The following NCOA2 variants were observed in gnomAD, a reference collection of about 807,000 sequenced individuals.
NCOA2 encodes nuclear receptor coactivator 2, also known as class E basic helix-loop-helix protein 75.
A neutral mutation model predicts 145.1 loss-of-function variants in NCOA2; 21 were observed. That is an observed-to-expected ratio of 0.14 (90% CI 0.10 to 0.21). NCOA2 has a LOEUF of 0.21. NCOA2 is among the 10% of genes least tolerant of loss of function. The pLI, the probability that NCOA2 is intolerant of heterozygous loss-of-function variation, is 1.00. For missense variants in NCOA2, 1,472 were observed against 1,837.6 expected (o/e 0.80, Z 3.64); for synonymous variants, 619 against 637.5 (o/e 0.97, Z 0.44).
At chr8:70,118,334 C>A (rs1262120864) in intron 22 of NCOA2, among the ~76,000 whole-genome samples, 1 of 152,142 alleles carries the variant, frequency 6.6e-6, no homozygotes, top group Non-Finnish European at 1.5e-5. Context: ...AAGTGCATTC[C>A]TGATTTCAAC....
chr8:70,425,321 C>A, the NCOA2 span, among the ~76,000 whole-genome samples: 1 of 151,972 alleles, frequency 6.6e-6, no homozygotes, highest in Non-Finnish European at 1.5e-5. Context: ...TTTTGGGGTA[C>A]AGGTGGTTTT....
chr8:70,297,192 C>A (rs1586407831), intron 1 of NCOA2, among the ~76,000 whole-genome samples: 1 of 152,110 alleles, frequency 6.6e-6, no homozygotes. Context: ...CTGTGCCCAG[C>A]ACATTGTAAC....
the NCOA2 span, among the ~76,000 whole-genome samples, chr8:70,444,195 CA>C: frequency 1.3e-5 from 2 of 152,124 alleles, no homozygotes; most frequent in African/African-American, 2.4e-5. Flanking sequence ...TTAATAGAGT[CA>C]AACTATTGAT....
Position 70,110,568 on chromosome 8 carries a change from C to T in NCOA2, c.*3064G>A, listed in dbSNP as rs1358893842. 1 of 206,876 alleles carries T rather than the reference C, an allele frequency of 4.8e-6. No homozygotes were observed. Among genetic ancestry groups the T allele is most frequent in the African/African-American group, 2.3e-5 (1 of 43,928 alleles). The allele number at this position is 206,876 out of a possible 1,614,324, so 12.8% of individuals were successfully genotyped here. On this transcript the variant is annotated 3_prime_UTR_variant, in exon 23 of 23. Coordinates refer to ENST00000452400, the MANE Select transcript of NCOA2 (RefSeq NM_006540.4). ...TTAAATTCACACCAACAATTAATGG[C>T]TTAAGTTGCATTTCAAAACTGATTG...
intron 2 of NCOA2, chr8:70,273,365 T>TG: frequency 1.6e-6 from 1 of 635,810 alleles, no homozygotes; most frequent in Non-Finnish European, 2.5e-6. Context: ...CCTTATCCGC[T>TG]GCGACAAGAT....
chr8:70,138,463 AAT>A, intron 14 of NCOA2, 131 bp from the exon 15 acceptor site: 1 of 867,770 alleles, frequency 1.2e-6, no homozygotes. Context: ...TAACTAGGTG[AAT>A]ATAAGAAGAT....
At chr8:70,185,402 CA>C (rs1445915241) in intron 4 of NCOA2, among the ~76,000 whole-genome samples, 1 of 152,160 alleles carries the variant, frequency 6.6e-6, no homozygotes, top group South Asian at 2.1e-4. Context: ...GAAAGCAAAG[CA>C]GTGTTAACAA....
intron 22 of NCOA2, among the ~76,000 whole-genome samples, chr8:70,117,385 C>T (rs1291033340): frequency 1.3e-5 from 2 of 152,214 alleles, no homozygotes; most frequent in South Asian, 2.1e-4. Context: ...CTGGTAAATT[C>T]GAGGCCAAAA....
intron 10 of NCOA2, among the ~76,000 whole-genome samples, chr8:70,158,952 A>T (rs726285): frequency 6.6e-6 from 1 of 151,048 alleles, no homozygotes; most frequent in African/African-American, 2.4e-5. Flanking sequence ...TTTTACAATT[A>T]ACTAGTGTTA....
intron 1 of NCOA2, among the ~76,000 whole-genome samples, chr8:70,379,956 G>T (rs1812045933): frequency 6.6e-6 from 1 of 152,028 alleles, no homozygotes; most frequent in Non-Finnish European, 1.5e-5. Context: ...ATATAAAGGT[G>T]TCAATGAGTA....
At chr8:70,292,184 C>A (rs71517440) in intron 2 of NCOA2, among the ~76,000 whole-genome samples, 34,329 of 151,632 alleles carry the variant, frequency 0.23, 4,803 homozygotes, top group East Asian at 0.57. Context: ...GCCAGGCTGG[C>A]GTGCAGTGGC....
intron 2 of NCOA2, among the ~76,000 whole-genome samples, chr8:70,291,938 C>T (rs112873783): frequency 0.026 from 3,910 of 151,738 alleles, 188 homozygotes; most frequent in African/African-American, 0.09. Context: ...TAGCCGGGTG[C>T]GGTGGCGGGC....
chr8:70,304,515 G>A (rs1373562167), intron 1 of NCOA2, among the ~76,000 whole-genome samples: 1 of 151,914 alleles, frequency 6.6e-6, no homozygotes, highest in Non-Finnish European at 1.5e-5. Context: ...CGCCCAGGCT[G>A]GAGTGCAGTG....
chr8:70,255,759 C>T (rs2926702), intron 2 of NCOA2, among the ~76,000 whole-genome samples: 134,019 of 152,220 alleles, frequency 0.88, 59,434 homozygotes, highest in African/African-American at 0.95. Flanking sequence ...TCAATAGGAA[C>T]TGGCACCAGA....
At chr8:70,275,626 AG>A (rs1825408449) in intron 2 of NCOA2, among the ~76,000 whole-genome samples, 1 of 152,206 alleles carries the variant, frequency 6.6e-6, no homozygotes, top group South Asian at 2.1e-4. Flanking sequence ...AGCTTAGCGG[AG>A]AAAATATGAA....
At position 70,148,388 on chromosome 8, in the gene NCOA2, A is replaced by C; in HGVS notation, c.2490T>G (p.Pro830=). 6.2e-7 allele frequency: 1 copy of C among 1,614,024 alleles called. No homozygotes were observed. Among genetic ancestry groups the C allele is most frequent in the Non-Finnish European group, 8.5e-7 (1 of 1,179,896 alleles). Residue 830 remains proline (P), a synonymous_variant, in exon 12 of 23, where the codon CCT becomes CCG. Transcript: ENST00000452400. ...QLFPDTRPGA[P]AGSVDKQAII... is the part of the protein sequence containing the mutation. ...TGGCTTGCTTGTCAACTGATCCAGC[A>C]GGGGCGCCTGGCCTCGTGTCTGGGA... is the stretch of plus-strand genomic sequence containing the variant.
the NCOA2 span, among the ~76,000 whole-genome samples, chr8:70,449,759 T>C: frequency 2.6e-5 from 4 of 152,324 alleles, no homozygotes; most frequent in East Asian, 5.8e-4. Context: ...CAGGGGCAGA[T>C]CCAAGACGTT....
At chr8:70,312,779 G>A (rs984244016) in intron 1 of NCOA2, among the ~76,000 whole-genome samples, 2 of 151,868 alleles carry the variant, frequency 1.3e-5, no homozygotes, top group South Asian at 2.1e-4. Context: ...ATCGTACTTC[G>A]TAATCAACAG....
intron 1 of NCOA2, among the ~76,000 whole-genome samples, chr8:70,302,318 T>A (rs572207239): frequency 1.3e-5 from 2 of 152,268 alleles, no homozygotes; most frequent in South Asian, 4.1e-4. Context: ...CCCAATAAGT[T>A]TGATGGTGCT....
Sources: gnomAD v4.1 joint callset for allele counts (sites outside exome capture counted in the v4.1 genomes callset) on GRCh38, gnomAD v4.1.1 for gene constraint, MANE v1.5 for transcripts, NCBI Gene and HGNC (gene_info 2026-07-23, HGNC 2026-07-21) for gene names.